ATG3: variants seen among roughly 807,000 people sequenced by gnomAD.
ATG3 encodes the protein autophagy related 3.
Under a neutral mutation model 50.7 loss-of-function variants are expected in ATG3, and 25 were observed. That is an observed-to-expected ratio of 0.49 (90% CI 0.36 to 0.69). The LOEUF is 0.69. Ranked by LOEUF, ATG3 falls within the 30% of genes least tolerant of loss-of-function variation. The probability of loss-of-function intolerance (pLI) is 0.00; values close to 1 mark genes in which losing one functional copy is unlikely to be tolerated. For synonymous variants in ATG3, 119 were observed against 125.5 expected, an observed-to-expected ratio of 0.95 and a Z score of 0.34; for missense variants, 281 against 376.0, an observed-to-expected ratio of 0.75 and a Z score of 2.09.
At chr3:112,554,571 C>T (rs1459181206) in intron 2 of ATG3, among the ~76,000 whole-genome samples, 2 of 152,196 alleles carry the variant, frequency 1.3e-5, no homozygotes, top group African/African-American at 4.8e-5. Context: ...AAATAAACAG[C>T]CTTGTTGCTC....
intron 3 of ATG3, among the ~76,000 whole-genome samples, 177 bp from the exon 4 acceptor site, chr3:112,550,439 CACA>C (rs1257827687): frequency 6.6e-6 from 1 of 152,006 alleles, no homozygotes; most frequent in Non-Finnish European, 1.5e-5. Context: ...TGGAGAAAAG[CACA>C]ACAATAATCT....
chr3:112,544,933 G>C (rs933492119), intron 5 of ATG3, among the ~76,000 whole-genome samples: 1 of 152,114 alleles, frequency 6.6e-6, no homozygotes, highest in African/African-American at 2.4e-5. Context: ...TGCTCAAAAA[G>C]TTTTGGCTTT....
chr3:112,550,113 C>T (rs965452985), intron 4 of ATG3, 79 bp downstream of exon 4: 10 of 1,050,880 alleles, frequency 9.5e-6, no homozygotes, highest in Non-Finnish European at 1.4e-5. Context: ...AAAAAATTTT[C>T]AAGCAATAGA....
At chr3:112,554,904 C>T (rs1933623528) in intron 2 of ATG3, among the ~76,000 whole-genome samples, 1 of 152,088 alleles carries the variant, frequency 6.6e-6, no homozygotes, top group African/African-American at 2.4e-5. Context: ...CTTCGAATAA[C>T]CTTATTATTT....
At chr3:112,557,285 C>T (rs1213643291) in intron 2 of ATG3, among the ~76,000 whole-genome samples, 11 of 152,140 alleles carry the variant, frequency 7.2e-5, no homozygotes, top group Non-Finnish European at 1.5e-4. Context: ...CCTCTGCCTC[C>T]TAAAGTGTTG....
Position 112,532,572 on chromosome 3 carries a change from G to A in ATG3, c.*127C>T. On this transcript the variant is annotated 3_prime_UTR_variant, in exon 12 of 12. Transcript: ENST00000283290. ...GTAGTGGAACATATTTTTATTTAATGCATAAACATATAAGTCCCTTATTAG... is the reference window on the plus strand; with the variant it reads ...GTAGTGGAACATATTTTTATTTAATACATAAACATATAAGTCCCTTATTAG... 1.7e-6 allele frequency: 1 copy of A among 576,114 alleles called. No individual in the cohort carries two copies. Among genetic ancestry groups the A allele is most frequent in the Non-Finnish European group, 2.7e-6 (1 of 373,714 alleles). The allele number at this position is 576,114 out of a possible 1,614,324, so 35.7% of individuals were successfully genotyped here.
chr3:112,558,661 T>C (rs546143085), intron 1 of ATG3, among the ~76,000 whole-genome samples: 2 of 152,248 alleles, frequency 1.3e-5, no homozygotes, highest in East Asian at 1.9e-4. Context: ...AAGTCTAATG[T>C]AGGAAACAGA....
intron 9 of ATG3, among the ~76,000 whole-genome samples, chr3:112,536,960 A>G (rs1020964481): frequency 7.6e-5 from 10 of 131,288 alleles, no homozygotes; most frequent in African/African-American, 2.9e-4. Flanking sequence ...AAAAAAAAAA[A>G]AAGAAATTAC....
At chr3:112,549,797 CCAAA>C (rs1321503209) in intron 4 of ATG3, among the ~76,000 whole-genome samples, 4 of 26,392 alleles carry the variant, frequency 1.5e-4, no homozygotes, top group African/African-American at 2.8e-4. Flanking sequence ...CTCAAAACAA[CCAAA>C]AAAAAAAAAA....
chr3:112,556,863 C>T (rs1177209509), intron 2 of ATG3, among the ~76,000 whole-genome samples: 1 of 151,978 alleles, frequency 6.6e-6, no homozygotes, highest in African/African-American at 2.4e-5. Flanking sequence ...TCCCTAACCT[C>T]AAGTACCCAG....
intron 6 of ATG3, among the ~76,000 whole-genome samples, chr3:112,543,771 T>C (rs370200927): frequency 3.3e-5 from 5 of 152,236 alleles, no homozygotes; most frequent in South Asian, 4.1e-4. Flanking sequence ...GTTGCTCCAG[T>C]CAGTGAAAAT....
At chr3:112,537,117 G>C (rs1933084850) in intron 9 of ATG3, among the ~76,000 whole-genome samples, 1 of 151,790 alleles carries the variant, frequency 6.6e-6, no homozygotes, top group Non-Finnish European at 1.5e-5. Context: ...GGACAGGAAG[G>C]AGTCACAGCC....
chr3:112,543,182 A>G (rs1933280452), intron 6 of ATG3, among the ~76,000 whole-genome samples: 1 of 152,134 alleles, frequency 6.6e-6, no homozygotes, highest in Non-Finnish European at 1.5e-5. Flanking sequence ...AAAGTGTCAT[A>G]AGACTAGGAA....
chr3:112,556,867 T>C (rs1248228432), intron 2 of ATG3, among the ~76,000 whole-genome samples: 1 of 151,958 alleles, frequency 6.6e-6, no homozygotes, highest in African/African-American at 2.4e-5. Context: ...TAACCTCAAG[T>C]ACCCAGGGAC....
chr3:112,536,233 A>G (rs1447975396), intron 10 of ATG3: 3 of 434,844 alleles, frequency 6.9e-6, no homozygotes, highest in African/African-American at 6.0e-5. Flanking sequence ...TCTATTCTAT[A>G]AACACCCACA....
intron 2 of ATG3, among the ~76,000 whole-genome samples, chr3:112,557,079 A>G (rs959779733): frequency 6.6e-6 from 1 of 151,998 alleles, no homozygotes; most frequent in South Asian, 2.1e-4. Flanking sequence ...GGTTATTTCC[A>G]TACTACCATG....
At chr3:112,533,266 TA>T in intron 11 of ATG3, 1 of 984,912 alleles carries the variant, frequency 1.0e-6, no homozygotes, top group Non-Finnish European at 1.2e-6. Flanking sequence ...TGTCTTTAAT[TA>T]AATTCTGAAA....
chr3:112,538,037 A>G (rs1933120699), intron 8 of ATG3, 109 bp downstream of exon 8: 30 of 1,200,110 alleles, frequency 2.5e-5, no homozygotes, highest in Non-Finnish European at 3.5e-5. Flanking sequence ...TGCTATAATC[A>G]ATATGAACAA....
intron 3 of ATG3, among the ~76,000 whole-genome samples, chr3:112,551,338 G>A (rs1243817761): frequency 6.6e-6 from 1 of 152,154 alleles, no homozygotes; most frequent in Non-Finnish European, 1.5e-5. Context: ...CCGAAGTTCT[G>A]AGGAAAGAGT....
Sources: allele counts gnomAD v4.1 joint callset (sites outside exome capture counted in the v4.1 genomes callset), GRCh38; gene constraint gnomAD v4.1.1; transcripts MANE v1.5; gene names NCBI Gene and HGNC (gene_info 2026-07-23, HGNC 2026-07-21).